PPP1R16B: variants seen among roughly 807,000 people sequenced by gnomAD.
The protein encoded by PPP1R16B is protein phosphatase 1 regulatory inhibitor subunit 16B.
PPP1R16B carries 14 observed loss-of-function variants against 61.7 expected under a neutral mutation model. The observed-to-expected ratio is 0.23, with a 90% CI of 0.15 to 0.35. The LOEUF (loss-of-function observed/expected upper bound fraction) is 0.35. PPP1R16B is among the 10% of genes least tolerant of loss of function. The pLI is 1.00. For synonymous variants in PPP1R16B, 266 were observed against 305.3 expected (o/e 0.87, Z 1.34); for missense variants, 547 against 752.5 (o/e 0.73, Z 3.19).
intron 2 of PPP1R16B, among the ~76,000 whole-genome samples, chr20:38,860,709 C>T (rs1212289672): frequency 6.6e-6 from 1 of 152,172 alleles, no homozygotes; most frequent in Non-Finnish European, 1.5e-5. Context: ...CAAGGTCTAG[C>T]GAACACTCAG....
At chr20:38,817,609 T>C (rs2084745096) in intron 1 of PPP1R16B, among the ~76,000 whole-genome samples, 1 of 148,578 alleles carries the variant, frequency 6.7e-6, no homozygotes, top group African/African-American at 2.5e-5. Flanking sequence ...ATTGTCTAAA[T>C]GAGACAAGGC....
At chr20:38,867,155 C>T (rs1012986964) in intron 2 of PPP1R16B, among the ~76,000 whole-genome samples, 1 of 152,224 alleles carries the variant, frequency 6.6e-6, no homozygotes, top group Non-Finnish European at 1.5e-5. Context: ...ACCACACACA[C>T]CCAGGCTGGA....
intron 10 of PPP1R16B, among the ~76,000 whole-genome samples, chr20:38,910,133 G>A (rs887327918): frequency 6.6e-6 from 1 of 151,856 alleles, no homozygotes; most frequent in African/African-American, 2.4e-5. Flanking sequence ...TGCCCGCCAC[G>A]ACGCCTGGTG....
intron 1 of PPP1R16B, among the ~76,000 whole-genome samples, chr20:38,808,826 G>A (rs1356488483): frequency 6.6e-6 from 1 of 152,094 alleles, no homozygotes; most frequent in Non-Finnish European, 1.5e-5. Context: ...TAGACGTCAG[G>A]AGTTCGAGAC....
intron 2 of PPP1R16B, among the ~76,000 whole-genome samples, chr20:38,843,922 T>A (rs74705519): frequency 0.012 from 1,897 of 152,302 alleles, 40 homozygotes; most frequent in African/African-American, 0.043. Context: ...AAGAAAATCT[T>A]ATGTAGTTGG....
intron 1 of PPP1R16B, among the ~76,000 whole-genome samples, chr20:38,832,018 C>G (rs2084840579): frequency 6.6e-6 from 1 of 152,236 alleles, no homozygotes; most frequent in African/African-American, 2.4e-5. Flanking sequence ...CTAACTCCCT[C>G]TCAGCTCGTG....
chr20:38,906,124 G>A (rs754122735), intron 7 of PPP1R16B, 30 bp downstream of exon 7: 37 of 1,604,610 alleles, frequency 2.3e-5, no homozygotes, highest in Non-Finnish European at 3.1e-5. Context: ...CTGTGGGGGA[G>A]GCCGGCACAG....
At chr20:38,870,612 G>T (rs996208423) in intron 2 of PPP1R16B, among the ~76,000 whole-genome samples, 1 of 152,138 alleles carries the variant, frequency 6.6e-6, no homozygotes, top group African/African-American at 2.4e-5. Context: ...AAAGCCTCTG[G>T]TGGTTCAGTG....
rs377439786 is a variant in PPP1R16B at position 38,883,012 on chromosome 20, A to G, written c.251-6583A>G. 2.2e-4 allele frequency among the ~76,000 whole-genome samples: 33 copies of G among 152,284 alleles called. 1 individual carries two copies. The South Asian group carries it at 6.6e-3, about 31-fold the overall frequency. Reference sequence around the variant, plus strand: ...TAAGGCAGGTGTGGAGCAGGCAGGGACTAGATCATGCAATGCCTTGGAGGC... The same window carrying G: ...TAAGGCAGGTGTGGAGCAGGCAGGGGCTAGATCATGCAATGCCTTGGAGGC... On this transcript the variant is annotated intron_variant, in intron 2 of 10. Coordinates refer to ENST00000299824, the MANE Select transcript of PPP1R16B (RefSeq NM_015568.4).
chr20:38,915,243 G>A (rs1189744397), intron 10 of PPP1R16B, among the ~76,000 whole-genome samples: 2 of 152,096 alleles, frequency 1.3e-5, no homozygotes, highest in South Asian at 2.1e-4. Flanking sequence ...TCATGTGTCC[G>A]TCATGATAGT....
rs374824068 is a variant in PPP1R16B, at chr20:38,889,512, G to T, written c.251-83G>T. 185 of 1,195,790 alleles carry T rather than the reference G, an allele frequency of 1.5e-4. 2 individuals carry two copies. In the East Asian group the frequency reaches 3.3e-3, roughly 21 times the overall value. The allele number at this position is 1,195,790 out of a possible 1,614,324, so 74.1% of individuals were successfully genotyped here. A position where few individuals can be genotyped will look rare whatever the true frequency, so the allele number is the denominator to read the frequency against. The stretch of plus-strand genomic sequence containing the variant: ...TACTACATTCTTCATAGGCCTGGGG[G>T]AGAGCGGGTCTTACCCGGGCCCCTG... On this transcript the variant is annotated intron_variant, in intron 2 of 10. Transcript: ENST00000299824.
intron 2 of PPP1R16B, among the ~76,000 whole-genome samples, chr20:38,859,743 A>G (rs572442353): frequency 1.3e-5 from 2 of 152,270 alleles, no homozygotes; most frequent in East Asian, 3.9e-4. Flanking sequence ...CTACCACCTC[A>G]GCCTCCCAAG....
intron 5 of PPP1R16B, among the ~76,000 whole-genome samples, chr20:38,901,916 C>T (rs1252579243): frequency 6.6e-6 from 1 of 152,298 alleles, no homozygotes; most frequent in African/African-American, 2.4e-5. Flanking sequence ...GTGGGTTTTG[C>T]TTACATTCTA....
intron 2 of PPP1R16B, among the ~76,000 whole-genome samples, chr20:38,859,049 A>G (rs1332218992): frequency 1.3e-5 from 2 of 152,142 alleles, no homozygotes; most frequent in African/African-American, 4.8e-5. Flanking sequence ...GGAAGCCGCC[A>G]GTTTCTTGAG....
chr20:38,842,835 A>T (rs975930707), intron 2 of PPP1R16B, among the ~76,000 whole-genome samples: 3 of 152,170 alleles, frequency 2.0e-5, no homozygotes, highest in African/African-American at 7.2e-5. Context: ...ATTATTAAAA[A>T]AAAAAAAACC....
rs1263433366 is a variant in PPP1R16B, at chr20:38,812,692, G to T, written c.-102+6900G>T. On this transcript the variant is annotated intron_variant, in intron 1 of 10. Transcript: ENST00000299824. ...AAATAAATAACTTATTAAAGTGAAG[G>T]TTCACCTGGAGCCTTAGGCTGGCTG... Among the ~76,000 whole-genome samples the T allele has an allele frequency of 3.3e-5, 5 of 152,164 alleles. No individual in the cohort carries two copies. The East Asian group carries it at 5.8e-4, about 18-fold the overall frequency.
intron 2 of PPP1R16B, among the ~76,000 whole-genome samples, chr20:38,871,865 T>C (rs528575308): frequency 1.4e-4 from 22 of 152,218 alleles, no homozygotes; most frequent in Non-Finnish European, 3.1e-4. Context: ...GCCACATATG[T>C]AATTTTAAAT....
chr20:38,822,504 C>CTT (rs972450839), intron 1 of PPP1R16B, among the ~76,000 whole-genome samples: 99 of 104,182 alleles, frequency 9.5e-4, no homozygotes, highest in East Asian at 1.2e-3. Context: ...GCCTTCCAAT[C>CTT]TTTTTTTTTT....
At chr20:38,896,398 C>T (rs1008083484) in intron 4 of PPP1R16B, among the ~76,000 whole-genome samples, 2 of 138,040 alleles carry the variant, frequency 1.4e-5, no homozygotes, top group Non-Finnish European at 3.1e-5. Context: ...CCCACATCCT[C>T]TCTTCATCTC....
Sources: allele counts gnomAD v4.1 joint callset (sites outside exome capture counted in the v4.1 genomes callset), GRCh38; gene constraint gnomAD v4.1.1; transcripts MANE v1.5; gene names NCBI Gene and HGNC (gene_info 2026-07-23, HGNC 2026-07-21).